The following CKLF variants were observed in gnomAD, a reference collection of about 807,000 sequenced individuals.
CKLF encodes chemokine-like factor.
Under a neutral mutation model 12.9 loss-of-function variants are expected in CKLF, and 16 were observed. The ratio of observed to expected loss-of-function variants is 1.24; its 90% CI spans 0.84 to 1.88. The LOEUF is 1.88. CKLF is among the 40% of genes most tolerant of loss of function. CKLF has a pLI of 0.00. For missense variants in CKLF, 172 were observed against 188.5 expected (o/e 0.91, Z 0.51); for synonymous variants, 61 against 69.0 (o/e 0.88, Z 0.57).
At position 66,563,305 on chromosome 16, in the gene CKLF, A is replaced by G. The variant is rs539958554; in HGVS notation, c.333+88A>G. On this transcript the variant is annotated intron_variant, in intron 3 of 3. Transcript: ENST00000264001. ...AACAGATGTAAGAATAGAAAGCTAT[A>G]CTATATTCATCCTTGAGATTCCTAG... 2.2e-5 allele frequency: 32 copies of G among 1,482,326 alleles called. No individual in the cohort carries two copies. In the African/African-American group the frequency reaches 4.4e-4, roughly 20 times the overall value. 91.8% of individuals were successfully genotyped at this position (1,482,326 alleles called of 1,614,324 possible).
At chr16:66,562,035 T>A (rs2011763711) in intron 2 of CKLF, among the ~76,000 whole-genome samples, 1 of 152,222 alleles carries the variant, frequency 6.6e-6, no homozygotes, top group East Asian at 1.9e-4. Context: ...TGTGGGGGTT[T>A]CCTGAAAATT....
At chr16:66,552,926 G>A in intron 1 of CKLF, 133 bp downstream of exon 1, 1 of 1,257,482 alleles carries the variant, frequency 8.0e-7, no homozygotes, top group Non-Finnish European at 1.1e-6. Context: ...GCAAGGCATG[G>A]CCTCCTTGGG....
chr16:66,562,676 C>G (rs1033969929), intron 2 of CKLF, among the ~76,000 whole-genome samples: 2 of 152,292 alleles, frequency 1.3e-5, no homozygotes, highest in African/African-American at 4.8e-5. Context: ...AAGATAGATG[C>G]TAAATAAATT....
chr16:66,560,170 A>G (rs575034140), intron 2 of CKLF, among the ~76,000 whole-genome samples: 12 of 152,320 alleles, frequency 7.9e-5, no homozygotes, highest in Admixed American at 3.9e-4. Context: ...TTTCTGCTAG[A>G]AAAGCAGCAG....
At chr16:66,555,519 G>A (rs2011404232) in intron 1 of CKLF, among the ~76,000 whole-genome samples, 1 of 152,178 alleles carries the variant, frequency 6.6e-6, no homozygotes, top group South Asian at 2.1e-4. Context: ...CTAAGCAACT[G>A]GAAGGATGGA....
intron 3 of CKLF, chr16:66,565,598 A>G (rs2012192201): frequency 2.4e-6 from 1 of 412,288 alleles, no homozygotes; most frequent in East Asian, 4.6e-5. Context: ...AGAGCAGGTC[A>G]AGAGATAAAA....
chr16:66,554,923 T>G (rs1331377217), intron 1 of CKLF, among the ~76,000 whole-genome samples: 1 of 152,164 alleles, frequency 6.6e-6, no homozygotes, highest in African/African-American at 2.4e-5. Context: ...AAGTAAAGTA[T>G]ATGATCTAAC....
intron 3 of CKLF, 84 bp downstream of exon 3, chr16:66,563,301 C>CGGCCGGGCGCGGTGGCTCACGCCTG: frequency 6.6e-7 from 1 of 1,506,606 alleles, no homozygotes; most frequent in Non-Finnish European, 9.1e-7. Flanking sequence ...GAATAGAAAG[C>CGGCCGGGCGCGGTGGCTCACGCCTG]TATACTATAT....
intron 2 of CKLF, among the ~76,000 whole-genome samples, chr16:66,559,438 C>A (rs1329109054): frequency 6.6e-6 from 1 of 152,138 alleles, no homozygotes; most frequent in Non-Finnish European, 1.5e-5. Context: ...GGAGGGAGGT[C>A]TAGGAGAAGA....
chr16:66,561,655 G>C (rs2011730240), intron 2 of CKLF, among the ~76,000 whole-genome samples: 1 of 152,120 alleles, frequency 6.6e-6, no homozygotes, highest in Non-Finnish European at 1.5e-5. Flanking sequence ...AGTTAACCTA[G>C]AATAGTTGTC....
chr16:66,557,011 G>A (rs944358281), intron 1 of CKLF, among the ~76,000 whole-genome samples: 1 of 151,894 alleles, frequency 6.6e-6, no homozygotes, highest in African/African-American at 2.4e-5. Flanking sequence ...GCCATGTTCT[G>A]TATCTTCATT....
chr16:66,565,056 G>T (rs1232488823), intron 3 of CKLF, among the ~76,000 whole-genome samples: 1 of 152,178 alleles, frequency 6.6e-6, no homozygotes, highest in African/African-American at 2.4e-5. Context: ...TCCAGGTAGA[G>T]GAGCCAATAG....
chr16:66,565,902 C>T lies in CKLF; in HGVS notation c.350C>T (p.Thr117Ile), dbSNP rs772701819. 1.1e-5 allele frequency: 18 copies of T among 1,613,958 alleles called. No individual in the cohort carries two copies. Among genetic ancestry groups the T allele is most frequent in the Non-Finnish European group, 1.4e-5 (16 of 1,180,008 alleles). The part of the protein sequence containing the change: ...TVGGGVFALV[T>I]AVCCLADGAL... ...TCTTTCCAGGTGTTTGCACTTGTGA[C>T]AGCAGTATGCTGTCTTGCCGACGGG... Residue 117 changes from threonine to isoleucine, a missense_variant, in exon 4 of 4, where the codon ACA becomes ATA. Physicochemically the swap from Thr to Ile is moderately conservative, Grantham distance 89. Coordinates refer to ENST00000264001, the MANE Select transcript of CKLF (RefSeq NM_016951.4).
At chr16:66,560,656 G>C (rs2011642808) in intron 2 of CKLF, among the ~76,000 whole-genome samples, 1 of 152,070 alleles carries the variant, frequency 6.6e-6, no homozygotes, top group South Asian at 2.1e-4. Context: ...GAGAGCTGAA[G>C]GTAAAACTGG....
intron 1 of CKLF, among the ~76,000 whole-genome samples, chr16:66,554,789 G>C (rs1021187743): frequency 6.6e-6 from 1 of 152,202 alleles, no homozygotes; most frequent in Admixed American, 6.5e-5. Flanking sequence ...GAAGAAGAGT[G>C]TTTGAAGCAG....
downstream of CKLF, chr16:66,566,219 G>A (rs1250514484): frequency 2.7e-6 from 4 of 1,496,610 alleles, no homozygotes; most frequent in Non-Finnish European, 3.5e-6. This position sits in a 1 kb window ranked among gnomAD's most constrained non-coding sequence, Gnocchi z 4.9. Context: ...GGGTGGCAGG[G>A]AAGAATGTGC....
chr16:66,563,661 G>A (rs1349044305), intron 3 of CKLF, among the ~76,000 whole-genome samples: 2 of 152,184 alleles, frequency 1.3e-5, no homozygotes, highest in African/African-American at 2.4e-5. Context: ...AGATCCTTCA[G>A]ATAGAATATA....
rs750692413 is a variant in CKLF, at chr16:66,563,036, G to T, written c.238-86G>T. 7 of 1,491,588 alleles carry T rather than the reference G, an allele frequency of 4.7e-6. No individual in the cohort carries two copies. The Admixed American group carries it at 5.6e-5, about 12-fold the overall frequency. 92.4% of individuals were successfully genotyped at this position (1,491,588 alleles called of 1,614,324 possible). On this transcript the variant is annotated intron_variant, in intron 2 of 3. Transcript: ENST00000264001. Reference sequence around the variant, plus strand: ...CTGCCTGCTGACTTTGTTTTTTGTTGTTGTTGTTTTTTTGTTTTTTGTTTT... The same window carrying T: ...CTGCCTGCTGACTTTGTTTTTTGTTTTTGTTGTTTTTTTGTTTTTTGTTTT...
In CKLF at chr16:66,552,633, G is replaced by A; in HGVS notation, c.-83G>A. On this transcript the variant is annotated 5_prime_UTR_variant, in exon 1 of 4. Transcript: ENST00000264001. ...AGGGCGGTGCTCCGCCGCGGTGGCG[G>A]TTGCTATCGCTTCGCAGAACCTACT... The A allele has an allele frequency of 6.2e-7, 1 of 1,603,490 alleles. No individual in the cohort carries two copies. Among genetic ancestry groups the A allele is most frequent in the East Asian group, 2.2e-5 (1 of 44,760 alleles).
Sources: gnomAD v4.1 joint callset for allele counts (sites outside exome capture counted in the v4.1 genomes callset) on GRCh38, gnomAD v4.1.1 for gene constraint, Gnocchi (gnomAD v3.1) non-coding constraint, MANE v1.5 for transcripts, NCBI Gene and HGNC (gene_info 2026-07-23, HGNC 2026-07-21) for gene names.